Variants in DNAH2 observed in about 807,000 individuals in gnomAD.
DNAH2 encodes dynein axonemal heavy chain 2.
DNAH2 carries 323 observed loss-of-function variants against 523.5 expected under a neutral mutation model. That is an observed-to-expected ratio of 0.62 (90% CI 0.56 to 0.68). The LOEUF (loss-of-function observed/expected upper bound fraction) is 0.68. DNAH2 is among the 30% of genes least tolerant of loss of function. The pLI, the probability that DNAH2 is intolerant of heterozygous loss-of-function variation, is 0.00. For missense variants in DNAH2, 4,907 were observed against 5,701.5 expected, an observed-to-expected ratio of 0.86 and a Z score of 4.49; for synonymous variants, 2,093 against 2,177.4, an observed-to-expected ratio of 0.96 and a Z score of 1.08.
chr17:7,778,279 G>A lies in DNAH2; in HGVS notation c.5352-1G>A. 1 of 1,614,166 alleles carries A rather than the reference G, an allele frequency of 6.2e-7. No homozygotes were observed. Among genetic ancestry groups the A allele is most frequent in the South Asian group, 1.1e-5 (1 of 91,076 alleles). ...ACTCTAGTTCTGTCCTCAATTCTCA[G>A]GTGTTACATGACACTGACCACGGCA... On this transcript the variant is annotated splice_acceptor_variant, in intron 34 of 85. Transcript: ENST00000572933. LOFTEE classifies it high-confidence loss of function.
At chr17:7,726,281 C>T (rs1047982338) in intron 3 of DNAH2, among the ~76,000 whole-genome samples, 1 of 144,850 alleles carries the variant, frequency 6.9e-6, no homozygotes, top group South Asian at 2.2e-4. Flanking sequence ...GCTAGGATTA[C>T]AGGCATGAGC....
intron 2 of DNAH2, 75 bp from the exon 3 acceptor site, chr17:7,723,553 T>G: frequency 1.4e-3 from 1,773 of 1,257,630 alleles, no homozygotes; most frequent in Non-Finnish European, 1.9e-3. Context: ...ACTACAGGTG[T>G]GAGCCACCGC....
At chr17:7,767,305 A>G (rs1413303468) in intron 22 of DNAH2, among the ~76,000 whole-genome samples, 2 of 152,172 alleles carry the variant, frequency 1.3e-5, no homozygotes, top group Admixed American at 6.6e-5. Flanking sequence ...TGAATATCGC[A>G]TGAGTTTACC....
chr17:7,815,104 C>T (rs537680420), intron 63 of DNAH2, among the ~76,000 whole-genome samples: 6 of 152,350 alleles, frequency 3.9e-5, no homozygotes, highest in South Asian at 2.1e-4. Flanking sequence ...GGTGAGCCAC[C>T]GCACCTGGCC....
chr17:7,766,503 C>T (rs753304409), intron 22 of DNAH2, 22 bp downstream of exon 22: 1 of 1,610,392 alleles, frequency 6.2e-7, no homozygotes, highest in South Asian at 1.1e-5. Context: ...AGCAAGGACC[C>T]TGTGGTCACT....
Position 7,734,210 on chromosome 17 carries a change from C to T in DNAH2, c.656C>T (p.Thr219Met), listed in dbSNP as rs572643510. The stretch of plus-strand genomic sequence containing the variant: ...ACTCGGTACAAACTGGAGGGGCACA[C>T]GGTCCTCTACATCCCTGCAGAGGCC... Reference protein sequence around the residue: ...TDTRYKLEGHTVLYIPAEAMN... With the variant: ...TDTRYKLEGHMVLYIPAEAMN... Residue 219 changes from threonine to methionine, a missense_variant, in exon 6 of 86, where the codon ACG (threonine) becomes ATG (methionine). Thr to Met is a moderately conservative substitution (Grantham distance 81). Coordinates refer to ENST00000572933, the MANE Select transcript of DNAH2 (RefSeq NM_020877.5). The T allele has an allele frequency of 6.2e-6, 10 of 1,602,052 alleles. No individual in the cohort carries two copies. The African/African-American group carries it at 9.4e-5, about 15-fold the overall frequency.
intron 20 of DNAH2, 30 bp from the exon 21 acceptor site, chr17:7,765,361 T>C (rs1415325421): frequency 6.3e-7 from 1 of 1,595,054 alleles, no homozygotes; most frequent in Admixed American, 1.7e-5. Context: ...CTCCTGCTCC[T>C]GGTCATCCTC....
In DNAH2 at chr17:7,743,000, G is replaced by A; in HGVS notation, c.1762G>A (p.Val588Ile). 6.6e-7 allele frequency: 1 copy of A among 1,521,124 alleles called. No individual in the cohort carries two copies. The highest frequency in any genetic ancestry group is 1.3e-5 in the South Asian group (1 of 74,392). 94.2% of individuals were successfully genotyped at this position (1,521,124 alleles called of 1,614,324 possible). Reference protein sequence around the residue: ...KESVHTYQQMVQAIDELVRKT... With the variant: ...KESVHTYQQMIQAIDELVRKT... Reference sequence around the variant, plus strand: ...GAGTGTGCACACCTATCAGCAGATGGTCCAGGCCATTGATGAGCTGGTTCG... The same window carrying A: ...GAGTGTGCACACCTATCAGCAGATGATCCAGGCCATTGATGAGCTGGTTCG... The change falls in exon 12 of 86, where the codon GTC becomes ATC. Residue 588 changes from valine (V) to isoleucine (I), a missense_variant. Val to Ile is a conservative substitution (Grantham distance 29, BLOSUM62 3). Coordinates refer to ENST00000572933, the MANE Select transcript of DNAH2 (RefSeq NM_020877.5).
chr17:7,755,888 C>T (rs1396596521), intron 12 of DNAH2, among the ~76,000 whole-genome samples: 1 of 151,852 alleles, frequency 6.6e-6, no homozygotes, highest in African/African-American at 2.4e-5. Flanking sequence ...CAACCTCCAC[C>T]TCCCAGGTTC....
At chr17:7,830,026 C>CAAAAA (rs546222498) in intron 77 of DNAH2, among the ~76,000 whole-genome samples, 1 of 55,248 alleles carries the variant, frequency 1.8e-5, no homozygotes, top group Non-Finnish European at 3.9e-5. Flanking sequence ...AACTCCGTCT[C>CAAAAA]AAAAAAAAAA....
chr17:7,833,710 G>T lies in DNAH2; in HGVS notation c.*177G>T. ...CCATAAAAGTGAAAGAGTTGTATTG[G>T]AGCTCAGTGCTGTAAAACACCCGCG... On this transcript the variant is annotated 3_prime_UTR_variant, in exon 86 of 86. Coordinates refer to ENST00000572933, the MANE Select transcript of DNAH2 (RefSeq NM_020877.5). The T allele has an allele frequency of 1.1e-6, 1 of 873,428 alleles. No homozygotes were observed. The allele number at this position is 873,428 out of a possible 1,614,324, so 54.1% of individuals were successfully genotyped here.
At chr17:7,731,134 TAATTA>T (rs71159524) in intron 4 of DNAH2, among the ~76,000 whole-genome samples, 16,054 of 148,712 alleles carry the variant, frequency 0.11, 979 homozygotes, top group Non-Finnish European at 0.12. Flanking sequence ...ATAAATAAAT[TAATTA>T]AATTAAATTA....
chr17:7,737,409 G>A (rs537285014), intron 8 of DNAH2, 151 bp downstream of exon 8: 43 of 864,768 alleles, frequency 5.0e-5, no homozygotes, highest in South Asian at 1.4e-4. Flanking sequence ...GGCTTCTACC[G>A]GCATGATCTG....
chr17:7,739,609 T>TC, intron 8 of DNAH2, 124 bp from the exon 9 acceptor site: 1 of 690,770 alleles, frequency 1.4e-6, no homozygotes, highest in Admixed American at 3.5e-5. Flanking sequence ...TTCTTCTTCT[T>TC]TTTTTTTTTT....
In DNAH2 at chr17:7,821,897, T is replaced by G. The variant is rs1437754958; in HGVS notation, c.11142+528T>G. 6.6e-6 allele frequency among the ~76,000 whole-genome samples: 1 copy of G among 152,062 alleles called. No individual in the cohort carries two copies. The highest frequency in any genetic ancestry group is 2.4e-5 in the African/African-American group (1 of 41,392). On this transcript the variant is annotated intron_variant, in intron 73 of 85. Coordinates refer to ENST00000572933, the MANE Select transcript of DNAH2 (RefSeq NM_020877.5). The surrounding 1 kb of genome is among the most constrained non-coding windows in gnomAD (Gnocchi z 5.0). ...GGCCCCTAAGGCTTCCAGACAACCA[T>G]GCTGCACTCTCCCGCCCTCCTAGAC...
chr17:7,786,960 A>G lies in DNAH2; in HGVS notation c.6530A>G (p.Asn2177Ser), dbSNP rs775725935. The G allele has an allele frequency of 6.2e-7, 1 of 1,614,254 alleles. No individual in the cohort carries two copies. The change falls in exon 42 of 86, where the codon AAC becomes AGC. Residue 2177 changes from asparagine (N) to serine (S), a missense_variant. Asn to Ser is a conservative substitution (Grantham distance 46). Transcript: ENST00000572933. This position sits in a 1 kb window ranked among gnomAD's most constrained non-coding sequence, Gnocchi z 7.5. The stretch of plus-strand genomic sequence containing the variant: ...CCCGTGGACACACTGTGGATCGAGA[A>G]CATGAACTCCGTCATGGACGATAAC... ...DGPVDTLWIE[N>S]MNSVMDDNKV...
Position 7,801,642 on chromosome 17 carries a change from C to T in DNAH2, c.8764C>T (p.Pro2922Ser). Reference protein sequence around the residue: ...CTTINWFSEWPQEALLEVAEK... With the variant: ...CTTINWFSEWSQEALLEVAEK... Reference sequence around the variant, plus strand: ...AACCATCAACTGGTTCTCAGAGTGGCCCCAAGAGGCCCTGCTCGAGGTGGC... The same window carrying T: ...AACCATCAACTGGTTCTCAGAGTGGTCCCAAGAGGCCCTGCTCGAGGTGGC... The change falls in exon 57 of 86, where the codon CCC (proline) becomes TCC (serine). Residue 2922 changes from proline (P) to serine (S), a missense_variant. Coordinates refer to ENST00000572933, the MANE Select transcript of DNAH2 (RefSeq NM_020877.5). 6.2e-7 allele frequency: 1 copy of T among 1,614,154 alleles called. No homozygotes were observed.
chr17:7,777,980 C>T (rs538815987), intron 33 of DNAH2, 97 bp from the exon 34 acceptor site: 1 of 1,154,054 alleles, frequency 8.7e-7, no homozygotes, highest in East Asian at 2.4e-5. Context: ...TTCACTGCAG[C>T]CTCCCTGACA....
chr17:7,757,801 G>T (rs9908599), intron 13 of DNAH2, among the ~76,000 whole-genome samples: 43,207 of 152,100 alleles, frequency 0.28, 6,581 homozygotes, highest in Non-Finnish European at 0.34. Flanking sequence ...TGTCTGGTGA[G>T]GGCCTGCGTC....
Sources: allele counts gnomAD v4.1 joint callset (sites outside exome capture counted in the v4.1 genomes callset), GRCh38; gene constraint gnomAD v4.1.1; non-coding constraint Gnocchi (gnomAD v3.1); transcripts MANE v1.5; gene names NCBI Gene and HGNC (gene_info 2026-07-23, HGNC 2026-07-21).